Variants in TCF12 observed in about 807,000 individuals in gnomAD.
TCF12 encodes transcription factor 12.
TCF12 carries 45 observed loss-of-function variants against 86.0 expected under a neutral mutation model. The ratio of observed to expected loss-of-function variants is 0.52; its 90% CI spans 0.41 to 0.67. TCF12 has a LOEUF of 0.67. TCF12 is among the 30% of genes least tolerant of loss of function. TCF12 has a pLI of 0.00. For synonymous variants in TCF12, 330 were observed against 299.6 expected (o/e 1.10, Z -1.05); for missense variants, 881 against 859.9 (o/e 1.02, Z -0.31).
chr15:57,087,583 T>TGA (rs2048733697), intron 4 of TCF12, among the ~76,000 whole-genome samples: 1 of 152,132 alleles, frequency 6.6e-6, no homozygotes, highest in Non-Finnish European at 1.5e-5. Context: ...ATCTACTTTA[T>TGA]AGACCACATT....
At chr15:56,942,278 T>C (rs903477204) in intron 3 of TCF12, among the ~76,000 whole-genome samples, 3 of 152,238 alleles carry the variant, frequency 2.0e-5, no homozygotes, top group African/African-American at 7.2e-5. Flanking sequence ...GTAAACACAT[T>C]TCAAAAAATA....
intron 2 of TCF12, 75 bp from the exon 3 acceptor site, chr15:56,920,951 C>T (rs2059764295): frequency 8.4e-7 from 1 of 1,184,172 alleles, no homozygotes; most frequent in Non-Finnish European, 1.2e-6. Flanking sequence ...TGATGGATGA[C>T]TTTTGGTGGA....
chr15:57,223,752 A>T (rs2058738109), intron 8 of TCF12, among the ~76,000 whole-genome samples: 1 of 149,224 alleles, frequency 6.7e-6, no homozygotes, highest in Non-Finnish European at 1.5e-5. Context: ...TTCAGTTAAT[A>T]AAAGAACAGA....
intron 7 of TCF12, among the ~76,000 whole-genome samples, chr15:57,193,824 T>TG (rs1464550840): frequency 6.6e-6 from 1 of 152,226 alleles, no homozygotes; most frequent in Non-Finnish European, 1.5e-5. Flanking sequence ...TCTGATTAGA[T>TG]GTGTCCACTT....
At chr15:57,008,683 C>T (rs2064633811) in intron 3 of TCF12, among the ~76,000 whole-genome samples, 1 of 152,138 alleles carries the variant, frequency 6.6e-6, no homozygotes, top group Non-Finnish European at 1.5e-5. Context: ...CAGAGGGAAA[C>T]AAAAGTTTTC....
At chr15:57,191,490 C>T (rs1472862653) in intron 6 of TCF12, among the ~76,000 whole-genome samples, 2 of 152,106 alleles carry the variant, frequency 1.3e-5, no homozygotes, top group Non-Finnish European at 2.9e-5. Flanking sequence ...GGAAGAAGAA[C>T]AGAATTTCTG....
At chr15:57,210,743 C>T (rs1438177440) in intron 8 of TCF12, among the ~76,000 whole-genome samples, 1 of 152,148 alleles carries the variant, frequency 6.6e-6, no homozygotes, top group Non-Finnish European at 1.5e-5. Flanking sequence ...TCCTCAAGAT[C>T]GCGCACCTAT....
At chr15:57,104,606 T>A (rs1327886623) in intron 5 of TCF12, among the ~76,000 whole-genome samples, 2 of 151,700 alleles carry the variant, frequency 1.3e-5, no homozygotes, top group African/African-American at 4.8e-5. Flanking sequence ...CAGCTAATTT[T>A]TCTACTTTTA....
chr15:56,970,206 G>T (rs1318990301), intron 3 of TCF12, among the ~76,000 whole-genome samples: 1 of 152,172 alleles, frequency 6.6e-6, no homozygotes, highest in Non-Finnish European at 1.5e-5. Flanking sequence ...TTACAGCTGG[G>T]AGTGGTGGCT....
At chr15:56,968,137 A>C (rs1175891979) in intron 3 of TCF12, among the ~76,000 whole-genome samples, 2 of 151,992 alleles carry the variant, frequency 1.3e-5, no homozygotes, top group African/African-American at 4.8e-5. Context: ...TTGTATTTTT[A>C]GTAGAGATGG....
intron 16 of TCF12, among the ~76,000 whole-genome samples, chr15:57,258,548 T>C (rs2060451091): frequency 6.6e-6 from 1 of 152,230 alleles, no homozygotes; most frequent in Non-Finnish European, 1.5e-5. Context: ...CAGTTTCTTA[T>C]TCATGACATA....
chr15:57,282,601 A>G lies in TCF12; in HGVS notation c.*11+3A>G, dbSNP rs2061742769. ...GGTCATATGTAAACATCAGCCAGGTAAGTACGGGTTTGAAAAGAAACAGCA... is the reference window on the plus strand; with the variant it reads ...GGTCATATGTAAACATCAGCCAGGTGAGTACGGGTTTGAAAAGAAACAGCA... On this transcript the variant is annotated splice_donor_region_variant and intron_variant, in intron 20 of 20. Transcript: ENST00000333725. The G allele has an allele frequency of 3.7e-6, 6 of 1,609,290 alleles. No individual in the cohort carries two copies. The highest frequency in any genetic ancestry group is 5.1e-6 in the Non-Finnish European group (6 of 1,178,720).
At chr15:57,030,743 A>G (rs754389754) in intron 3 of TCF12, among the ~76,000 whole-genome samples, 31 of 152,090 alleles carry the variant, frequency 2.0e-4, no homozygotes, top group Non-Finnish European at 3.8e-4. Flanking sequence ...ATATAATTTA[A>G]TTTCCATCTT....
intron 3 of TCF12, among the ~76,000 whole-genome samples, chr15:57,056,846 T>A (rs1157822806): frequency 3.3e-5 from 5 of 152,006 alleles, no homozygotes; most frequent in Non-Finnish European, 5.9e-5. Context: ...TCTTTCACTT[T>A]ATTGAGCATA....
chr15:56,996,905 T>C (rs2063746261), intron 3 of TCF12, among the ~76,000 whole-genome samples: 1 of 152,152 alleles, frequency 6.6e-6, no homozygotes, highest in Non-Finnish European at 1.5e-5. Flanking sequence ...GAGAAATTCC[T>C]ATCAAAACCA....
chr15:56,974,047 A>G (rs1339102242), intron 3 of TCF12, among the ~76,000 whole-genome samples: 2 of 152,138 alleles, frequency 1.3e-5, no homozygotes, highest in Admixed American at 1.3e-4. Context: ...AAGTGCGTTC[A>G]GTGTTCGTGG....
At chr15:56,925,899 G>C (rs1567113025) in intron 3 of TCF12, among the ~76,000 whole-genome samples, 2 of 152,186 alleles carry the variant, frequency 1.3e-5, no homozygotes, top group Non-Finnish European at 2.9e-5. Flanking sequence ...AGTCTGCTTT[G>C]TTAAATAGTT....
chr15:57,232,658 A>C, intron 10 of TCF12, 54 bp from the exon 11 acceptor site: 1 of 1,554,720 alleles, frequency 6.4e-7, no homozygotes, highest in South Asian at 1.2e-5. Flanking sequence ...TGTCCATTTT[A>C]TGTGAATATT....
chr15:57,124,042 T>G (rs2051449304), intron 5 of TCF12, among the ~76,000 whole-genome samples: 1 of 151,034 alleles, frequency 6.6e-6, no homozygotes, highest in South Asian at 2.1e-4. Context: ...CTCAAATTCC[T>G]GAGCTCAAGT....
Sources: gnomAD v4.1 joint callset for allele counts (sites outside exome capture counted in the v4.1 genomes callset) on GRCh38, gnomAD v4.1.1 for gene constraint, MANE v1.5 for transcripts, NCBI Gene and HGNC (gene_info 2026-07-23, HGNC 2026-07-21) for gene names.